Variants in CACNA2D1 observed in about 807,000 individuals in gnomAD.
CACNA2D1 encodes the protein voltage-dependent calcium channel subunit alpha-2/delta-1.
CACNA2D1 carries 53 observed loss-of-function variants against 171.5 expected under a neutral mutation model. The observed-to-expected ratio is 0.31, with a 90% CI of 0.25 to 0.39. The LOEUF is 0.39. CACNA2D1 is among the 10% of genes least tolerant of loss of function. The pLI, the probability that CACNA2D1 is intolerant of heterozygous loss-of-function variation, is 1.00. For synonymous variants in CACNA2D1, 442 were observed against 443.1 expected, an observed-to-expected ratio of 1.00 and a Z score of 0.03; for missense variants, 903 against 1,299.8, an observed-to-expected ratio of 0.69 and a Z score of 4.69.
chr7:82,149,787 C>A (rs371013261), intron 4 of CACNA2D1, among the ~76,000 whole-genome samples: 19,690 of 119,876 alleles, frequency 0.16, 2,033 homozygotes, highest in East Asian at 0.32. Context: ...AAAAAACAAA[C>A]AAACAACAAA....
intron 3 of CACNA2D1, among the ~76,000 whole-genome samples, chr7:82,247,682 T>C (rs1299875839): frequency 6.6e-6 from 1 of 152,192 alleles, no homozygotes; most frequent in Non-Finnish European, 1.5e-5. Context: ...TTTTTAAATA[T>C]TTTAACTACA....
intron 3 of CACNA2D1, among the ~76,000 whole-genome samples, chr7:82,293,309 T>C (rs1441840879): frequency 6.6e-6 from 1 of 152,176 alleles, no homozygotes; most frequent in Non-Finnish European, 1.5e-5. Flanking sequence ...CTTTTTATCC[T>C]GTTTGTCATT....
At chr7:82,099,535 C>T (rs1484652840) in intron 6 of CACNA2D1, among the ~76,000 whole-genome samples, 1 of 66,482 alleles carries the variant, frequency 1.5e-5, no homozygotes, top group Admixed American at 1.6e-4. Context: ...CTGCAAGCTC[C>T]GCCTCCCGGG....
intron 3 of CACNA2D1, among the ~76,000 whole-genome samples, chr7:82,274,570 T>C (rs1809072108): frequency 1.3e-5 from 2 of 152,202 alleles, no homozygotes; most frequent in Non-Finnish European, 2.9e-5. Flanking sequence ...CTAATTTTTC[T>C]TCCTACATTT....
chr7:82,353,216 A>G (rs1563414828), intron 1 of CACNA2D1, among the ~76,000 whole-genome samples: 1 of 152,116 alleles, frequency 6.6e-6, no homozygotes, highest in African/African-American at 2.4e-5. Flanking sequence ...ACAAGGAACT[A>G]GCTCAACAGA....
chr7:82,066,290 C>A (rs562142964), intron 8 of CACNA2D1, among the ~76,000 whole-genome samples, 165 bp downstream of exon 8: 1 of 152,178 alleles, frequency 6.6e-6, no homozygotes, highest in Non-Finnish European at 1.5e-5. Flanking sequence ...CCCACTTGAA[C>A]TCATCATTTT....
chr7:82,146,534 A>G (rs4732429), intron 4 of CACNA2D1, among the ~76,000 whole-genome samples: 12,355 of 122,418 alleles, frequency 0.1, 928 homozygotes, highest in East Asian at 0.24. Flanking sequence ...ATCTATATAT[A>G]TATCTTTTAC....
At chr7:82,273,969 T>C (rs1808979701) in intron 3 of CACNA2D1, among the ~76,000 whole-genome samples, 1 of 152,162 alleles carries the variant, frequency 6.6e-6, no homozygotes, top group Non-Finnish European at 1.5e-5. Context: ...AAGAAAATAA[T>C]CCCAGTCATT....
chr7:82,432,515 T>C lies in CACNA2D1; in HGVS notation c.95+10850A>G, dbSNP rs553971440. On this transcript the variant is annotated intron_variant, in intron 1 of 38. Coordinates refer to ENST00000356860, the MANE Select transcript of CACNA2D1 (RefSeq NM_000722.4). ...CAGGGATATTCTGTCAGTTTTTTGT[T>C]TGTTTATTTGTTTAGAGATGAGCCT... Among the ~76,000 whole-genome samples, 3 of 152,324 alleles carry C rather than the reference T, an allele frequency of 2.0e-5. No individual in the cohort carries two copies. In the East Asian group the frequency reaches 5.8e-4, roughly 29 times the overall value.
intron 10 of CACNA2D1, among the ~76,000 whole-genome samples, chr7:82,041,087 G>A (rs1803913307): frequency 6.6e-6 from 1 of 152,028 alleles, no homozygotes; most frequent in Non-Finnish European, 1.5e-5. Flanking sequence ...TGGACAGCAG[G>A]AGCATCTGAA....
At chr7:82,279,014 CT>C in intron 3 of CACNA2D1, among the ~76,000 whole-genome samples, 1 of 152,246 alleles carries the variant, frequency 6.6e-6, no homozygotes, top group African/African-American at 2.4e-5. Flanking sequence ...AGCTTCCAAC[CT>C]TCCCTCAGCC....
chr7:82,183,476 T>C (rs1327090152), intron 3 of CACNA2D1, among the ~76,000 whole-genome samples: 1 of 152,180 alleles, frequency 6.6e-6, no homozygotes, highest in Admixed American at 6.5e-5. Flanking sequence ...TAAAATTTTG[T>C]ACAATTAAGA....
At chr7:81,954,432 C>G (rs1052307734) in intron 38 of CACNA2D1, among the ~76,000 whole-genome samples, 1 of 151,920 alleles carries the variant, frequency 6.6e-6, no homozygotes, top group Non-Finnish European at 1.5e-5. Flanking sequence ...TCTCATTACT[C>G]TTTAAAAAAT....
intron 3 of CACNA2D1, among the ~76,000 whole-genome samples, chr7:82,282,346 T>C (rs923348235): frequency 6.6e-6 from 1 of 152,120 alleles, no homozygotes; most frequent in African/African-American, 2.4e-5. Context: ...ATTGCAGTTA[T>C]GTTCGGATCC....
chr7:82,424,406 T>C (rs1364021254), intron 1 of CACNA2D1, among the ~76,000 whole-genome samples: 1 of 152,180 alleles, frequency 6.6e-6, no homozygotes, highest in Non-Finnish European at 1.5e-5. Flanking sequence ...ATCTACTCAC[T>C]GAAATGAAGA....
In CACNA2D1 at chr7:82,085,521, TA is replaced by T. The variant is rs1333024522; in HGVS notation, c.527-622del. Among the ~76,000 whole-genome samples the T allele has an allele frequency of 8.3e-3, 1,088 of 130,986 alleles. 4 individuals are homozygous for T. The highest frequency in any genetic ancestry group is 0.014 in the African/African-American group (510 of 36,852). 85.9% of individuals were successfully genotyped at this position (130,986 alleles called of 152,430 possible). A position where few individuals can be genotyped will look rare whatever the true frequency, so the allele number is the denominator to read the frequency against. ...AGCAACATAAATTAGCCTGCTACCTTAAAAAAAAAAAAAAGAAAAAAAGTCA... is the reference window on the plus strand; with the variant it reads ...AGCAACATAAATTAGCCTGCTACCTTAAAAAAAAAAAAAGAAAAAAAGTCA... On this transcript the variant is annotated intron_variant, in intron 6 of 38. Transcript: ENST00000356860.
At chr7:82,428,549 CAGG>C (rs1473563821) in intron 1 of CACNA2D1, among the ~76,000 whole-genome samples, 1 of 152,048 alleles carries the variant, frequency 6.6e-6, no homozygotes, top group East Asian at 1.9e-4. Flanking sequence ...TAGATGCCTC[CAGG>C]AGTAGATTAG....
chr7:82,184,757 T>C (rs1797491294), intron 3 of CACNA2D1, among the ~76,000 whole-genome samples: 1 of 152,212 alleles, frequency 6.6e-6, no homozygotes, highest in Non-Finnish European at 1.5e-5. Flanking sequence ...AGAATAATGA[T>C]GGTTAAAATG....
intron 3 of CACNA2D1, among the ~76,000 whole-genome samples, chr7:82,213,481 G>A (rs1289435230): frequency 6.6e-6 from 1 of 151,976 alleles, no homozygotes; most frequent in African/African-American, 2.4e-5. Context: ...CTTCTATAAG[G>A]CTGTACTTTT....
Sources: allele counts gnomAD v4.1 joint callset (sites outside exome capture counted in the v4.1 genomes callset), GRCh38; gene constraint gnomAD v4.1.1; transcripts MANE v1.5; gene names NCBI Gene and HGNC (gene_info 2026-07-23, HGNC 2026-07-21).